Variants in CPN2 observed in about 807,000 individuals in gnomAD.
CPN2 encodes the protein carboxypeptidase N subunit 2, also known as carboxypeptidase N 83 kDa chain.
For synonymous variants in CPN2, 336 were observed against 318.4 expected (o/e 1.06, Z -0.59); for missense variants, 620 against 671.4 (o/e 0.92, Z 0.85).
In CPN2 at chr3:194,342,139, C is replaced by A. The variant is rs1478769056; in HGVS notation, c.564G>T (p.Leu188=). The A allele has an allele frequency of 5.0e-6, 8 of 1,614,102 alleles. No homozygotes were observed. The highest frequency in any genetic ancestry group is 1.6e-4 in the Middle Eastern group (1 of 6,062). ...TCTGCAGGCTGGTGAGTGGGTGGAA[C>A]AGCTCCTCCGGGAGCTGGGCCAGGA... ...QNLLAQLPEE[L]FHPLTSLQTL... Residue 188 remains leucine, a synonymous_variant, in exon 2 of 2, where the codon CTG becomes CTT. Transcript: ENST00000323830.
intron 1 of CPN2, among the ~76,000 whole-genome samples, chr3:194,344,074 T>C (rs73889802): frequency 0.033 from 5,021 of 152,300 alleles, 297 homozygotes; most frequent in African/African-American, 0.11. Flanking sequence ...TCTGGGTCCC[T>C]AGCGCTCCTC....
intron 1 of CPN2, among the ~76,000 whole-genome samples, chr3:194,346,237 G>C (rs2108649433): frequency 6.6e-6 from 1 of 152,340 alleles, no homozygotes; most frequent in East Asian, 1.9e-4. Flanking sequence ...GGCTCTGCAG[G>C]GAAGATGGAC....
In CPN2 at chr3:194,340,313, A is replaced by G. The variant is rs1197348503; in HGVS notation, c.*752T>C. ...TGCAGGGCAAGTTCAAGGTAGGGCAAGGAAATATATTTGGGGGTTAAATAT... is the reference window on the plus strand; with the variant it reads ...TGCAGGGCAAGTTCAAGGTAGGGCAGGGAAATATATTTGGGGGTTAAATAT... On this transcript the variant is annotated 3_prime_UTR_variant, in exon 2 of 2. Transcript: ENST00000323830. 1.3e-5 allele frequency: 2 copies of G among 152,236 alleles called. No homozygotes were observed. Among genetic ancestry groups the G allele is most frequent in the African/African-American group, 4.8e-5 (2 of 41,454 alleles). The allele number at this position is 152,236 out of a possible 1,614,324, so 9.4% of individuals were successfully genotyped here. A position where few individuals can be genotyped will look rare whatever the true frequency, so the allele number is the denominator to read the frequency against.
chr3:194,348,806 G>A (rs765670326), intron 1 of CPN2, among the ~76,000 whole-genome samples: 1 of 151,768 alleles, frequency 6.6e-6, no homozygotes, highest in African/African-American at 2.4e-5. Context: ...GTGGGAGGAC[G>A]GCTTGAGACT....
At position 194,340,259 on chromosome 3, in the gene CPN2, A is replaced by C. The variant is rs957565685; in HGVS notation, c.*806T>G. 1 of 152,234 alleles carries C rather than the reference A, an allele frequency of 6.6e-6. No individual in the cohort carries two copies. Among genetic ancestry groups the C allele is most frequent in the Non-Finnish European group, 1.5e-5 (1 of 68,042 alleles). 9.4% of individuals were successfully genotyped at this position (152,234 alleles called of 1,614,324 possible). On this transcript the variant is annotated 3_prime_UTR_variant, in exon 2 of 2. Coordinates refer to ENST00000323830, the MANE Select transcript of CPN2 (RefSeq NM_001080513.4). ...ACAAAGGGGAAAGGGGCTTCTTTATAGGATGTGGATTCTCCTCACAAGAGA... is the reference window on the plus strand; with the variant it reads ...ACAAAGGGGAAAGGGGCTTCTTTATCGGATGTGGATTCTCCTCACAAGAGA...
Position 194,341,608 on chromosome 3 carries a change from C to A in CPN2, c.1095G>T (p.Leu365=), listed in dbSNP as rs753214592. 2 of 1,614,150 alleles carry A rather than the reference C, an allele frequency of 1.2e-6. No homozygotes were observed. The highest frequency in any genetic ancestry group is 2.2e-5 in the South Asian group (2 of 91,086). ...ALFQNLSKLE[L]LSLSKNQLTT... ...TCAGCTGGTTCTTGGAGAGGCTGAG[C>A]AGCTCCAGCTTGGACAGGTTCTGGA... The change falls in exon 2 of 2, where the codon CTG becomes CTT. Residue 365 remains leucine, a synonymous_variant. Transcript: ENST00000323830.
In CPN2 at chr3:194,341,349, A is replaced by G; in HGVS notation, c.1354T>C (p.Leu452=). 3 of 1,613,944 alleles carry G rather than the reference A, an allele frequency of 1.9e-6. No homozygotes were observed. Among genetic ancestry groups the G allele is most frequent in the Non-Finnish European group, 2.5e-6 (3 of 1,180,042 alleles). The stretch of plus-strand genomic sequence containing the variant: ...TCCGGCCACGTGACCTGGAAGCCCA[A>G]GTGGTCCCGGGTGACGGGACACACC... ...QLVCPVTRDH[L]GFQVTWPDES... is the part of the protein sequence containing the mutation. Residue 452 remains leucine (L), a synonymous_variant, in exon 2 of 2, where the codon TTG becomes CTG. Transcript: ENST00000323830.
chr3:194,342,245 TG>T lies in CPN2; in HGVS notation c.457del (p.Gln153ArgfsTer16). The T allele has an allele frequency of 6.2e-7, 1 of 1,613,878 alleles. No individual in the cohort carries two copies. The highest frequency in any genetic ancestry group is 8.5e-7 in the Non-Finnish European group (1 of 1,179,902). On this transcript the variant is annotated frameshift_variant, in exon 2 of 2. Coordinates refer to ENST00000323830, the MANE Select transcript of CPN2 (RefSeq NM_001080513.4). LOFTEE classifies it low-confidence loss of function (END_TRUNC). ...HLAALESLHL[Q>X]GNQLQALPRR... ...GGGCAGGGCCTGGAGCTGGTTCCCC[TG>T]CAGGTGGAGGGACTCCAGGGCAGCC...
Position 194,342,615 on chromosome 3 carries a change from C to T in CPN2, c.88G>A (p.Val30Ile), listed in dbSNP as rs9845073. The change falls in exon 2 of 2, where the codon GTC becomes ATC. Residue 30 changes from valine (V) to isoleucine (I), a missense_variant. Transcript: ENST00000323830. ...QPCPMGCDCF[V>I]QEVFCSDEEL... The stretch of plus-strand genomic sequence containing the variant: ...TCATCTGAGCAGAACACCTCCTGGA[C>T]GAAGCAGTCACAACCCATGGGACAG... 219 of 1,613,894 alleles carry T rather than the reference C, an allele frequency of 1.4e-4. No homozygotes were observed. The highest frequency in any genetic ancestry group is 8.4e-4 in the African/African-American group (63 of 75,004).
chr3:194,342,232 G>A lies in CPN2; in HGVS notation c.471C>T (p.Leu157=), dbSNP rs1560035831. 1 of 1,613,958 alleles carries A rather than the reference G, an allele frequency of 6.2e-7. No individual in the cohort carries two copies. The part of the protein sequence containing the change: ...LESLHLQGNQ[L]QALPRRLFQP... ...GGAAGAGCCTCCTGGGCAGGGCCTG[G>A]AGCTGGTTCCCCTGCAGGTGGAGGG... The change falls in exon 2 of 2, where the codon CTC becomes CTT. Residue 157 remains leucine, a synonymous_variant. Transcript: ENST00000323830.
In CPN2 at chr3:194,351,246, A is replaced by C. The variant is rs1713256859; in HGVS notation, c.-8T>G. 6.6e-6 allele frequency: 1 copy of C among 152,332 alleles called. No individual in the cohort carries two copies. The highest frequency in any genetic ancestry group is 2.4e-5 in the African/African-American group (1 of 41,440). 9.4% of individuals were successfully genotyped at this position (152,332 alleles called of 1,614,324 possible). On this transcript the variant is annotated 5_prime_UTR_variant, in exon 1 of 2. Coordinates refer to ENST00000323830, the MANE Select transcript of CPN2 (RefSeq NM_001080513.4). ...TCAGCGACCCCGGGAGCCTACCGTG[A>C]GGGCCGAGCGGGTGGCGCCGGGCTG... is the stretch of plus-strand genomic sequence containing the variant.
intron 1 of CPN2, among the ~76,000 whole-genome samples, chr3:194,347,161 C>T (rs921429859): frequency 6.6e-6 from 1 of 151,776 alleles, no homozygotes; most frequent in Non-Finnish European, 1.5e-5. Context: ...ATGTTCCACA[C>T]TTTCGGCAAG....
intron 1 of CPN2, among the ~76,000 whole-genome samples, chr3:194,350,449 T>A (rs1246561323): frequency 7.2e-5 from 11 of 152,226 alleles, no homozygotes; most frequent in Admixed American, 7.2e-4. Flanking sequence ...TGTGGGCTTG[T>A]GCAAATCACT....
chr3:194,341,059 C>CTGTATGCTGTA lies in CPN2; in HGVS notation c.*5_*6insTACAGCATACA. 1 of 1,588,292 alleles carries CTGTATGCTGTA rather than the reference C, an allele frequency of 6.3e-7. No individual in the cohort carries two copies. Among genetic ancestry groups the CTGTATGCTGTA allele is most frequent in the Non-Finnish European group, 8.6e-7 (1 of 1,164,254 alleles). On this transcript the variant is annotated 3_prime_UTR_variant, in exon 2 of 2. Transcript: ENST00000323830. Reference sequence around the variant, plus strand: ...CCCCCTTCCCCAGCTCCTGTATGCGCTGCTACTAGGGCCCTGCTGCCCGAG... The same window carrying CTGTATGCTGTA: ...CCCCCTTCCCCAGCTCCTGTATGCGCTGTATGCTGTATGCTACTAGGGCCCTGCTGCCCGAG...
rs1712769717 is a variant in CPN2 at position 194,340,762 on chromosome 3, TG to T, written c.*302del. On this transcript the variant is annotated 3_prime_UTR_variant, in exon 2 of 2. Transcript: ENST00000323830. ...GTGAGAGCGGTTGGGTGTTACATAA[TG>T]GGGAGGCATCAGGGCTGAGGATATT... 8.6e-6 allele frequency: 3 copies of T among 348,586 alleles called. No homozygotes were observed. In the Admixed American group the frequency reaches 1.3e-4, roughly 15 times the overall value. The allele number at this position is 348,586 out of a possible 1,614,324, so 21.6% of individuals were successfully genotyped here.
intron 1 of CPN2, among the ~76,000 whole-genome samples, chr3:194,350,257 G>A (rs925559852): frequency 1.3e-5 from 2 of 152,054 alleles, no homozygotes; most frequent in South Asian, 2.1e-4. Context: ...CACCTGGCTC[G>A]GGGCCAGGCA....
Position 194,342,486 on chromosome 3 carries a change from G to A in CPN2, c.217C>T (p.Pro73Ser). Residue 73 changes from proline to serine, a missense_variant, in exon 2 of 2, where the codon CCC (proline) becomes TCC (serine). Coordinates refer to ENST00000323830, the MANE Select transcript of CPN2 (RefSeq NM_001080513.4). Reference protein sequence around the residue: ...TLETRAFGSNPNLTKVVFLNT... With the variant: ...TLETRAFGSNSNLTKVVFLNT... The stretch of plus-strand genomic sequence containing the variant: ...AGGAAGACCACCTTGGTCAAGTTGG[G>A]GTTACTGCCAAAAGCTCTGGTTTCC... 6.2e-7 allele frequency: 1 copy of A among 1,614,198 alleles called. No individual in the cohort carries two copies. Among genetic ancestry groups the A allele is most frequent in the African/African-American group, 1.3e-5 (1 of 75,044 alleles).
At position 194,342,241 on chromosome 3, in the gene CPN2, C is replaced by T. The variant is rs377334962; in HGVS notation, c.462G>A (p.Gly154=). The T allele has an allele frequency of 3.1e-6, 5 of 1,613,880 alleles. No homozygotes were observed. The East Asian group carries it at 1.1e-4, about 36-fold the overall frequency. The change falls in exon 2 of 2, where the codon GGG becomes GGA. Residue 154 remains glycine (G), a synonymous_variant. Coordinates refer to ENST00000323830, the MANE Select transcript of CPN2 (RefSeq NM_001080513.4). Reference sequence around the variant, plus strand: ...TCCTGGGCAGGGCCTGGAGCTGGTTCCCCTGCAGGTGGAGGGACTCCAGGG... The same window carrying T: ...TCCTGGGCAGGGCCTGGAGCTGGTTTCCCTGCAGGTGGAGGGACTCCAGGG... ...LAALESLHLQ[G]NQLQALPRRL...
At chr3:194,347,714 C>A (rs184634720) in intron 1 of CPN2, among the ~76,000 whole-genome samples, 1 of 123,538 alleles carries the variant, frequency 8.1e-6, no homozygotes, top group Non-Finnish European at 1.6e-5. Flanking sequence ...TCAGCCCACC[C>A]CATCTGCTGC....
Sources: gnomAD v4.1 joint callset for allele counts (sites outside exome capture counted in the v4.1 genomes callset) on GRCh38, gnomAD v4.1.1 for gene constraint, MANE v1.5 for transcripts, NCBI Gene and HGNC (gene_info 2026-07-23, HGNC 2026-07-21) for gene names.